The following CCDC6 variants were observed in gnomAD, a reference collection of about 807,000 sequenced individuals.
The protein encoded by CCDC6 is coiled-coil domain-containing protein 6.
A neutral mutation model predicts 56.6 loss-of-function variants in CCDC6; 20 were observed. That is an observed-to-expected ratio of 0.35 (90% confidence interval 0.25 to 0.51). The LOEUF is 0.51. Among genes scored for constraint, CCDC6 ranks in the 20% least tolerant of loss-of-function variants. The pLI, the probability that CCDC6 is intolerant of heterozygous loss-of-function variation, is 0.95. For synonymous variants in CCDC6, 241 were observed against 234.4 expected (o/e 1.03, Z -0.26); for missense variants, 367 against 601.1 (o/e 0.61, Z 4.07).
chr10:59,816,540 A>G (rs935841693), intron 3 of CCDC6, among the ~76,000 whole-genome samples: 3 of 152,208 alleles, frequency 2.0e-5, no homozygotes, highest in Non-Finnish European at 4.4e-5. Flanking sequence ...TAGTTAGAAA[A>G]TGTTGAGAAA....
At chr10:59,883,024 A>G (rs184151985) in intron 1 of CCDC6, among the ~76,000 whole-genome samples, 2,545 of 140,020 alleles carry the variant, frequency 0.018, 30 homozygotes, top group Middle Eastern at 0.045. Flanking sequence ...ATCGACTTTA[A>G]CTGAAAAAAA....
At chr10:59,862,768 T>C (rs143744132) in intron 1 of CCDC6, among the ~76,000 whole-genome samples, 1 of 152,070 alleles carries the variant, frequency 6.6e-6, no homozygotes, top group Non-Finnish European at 1.5e-5. Context: ...TGTTGACAAG[T>C]ATCAAGATCA....
At chr10:59,803,690 T>G (rs902412974) in intron 7 of CCDC6, among the ~76,000 whole-genome samples, 2 of 152,232 alleles carry the variant, frequency 1.3e-5, no homozygotes, top group African/African-American at 4.8e-5. Flanking sequence ...CATGCTGGTA[T>G]TGAGCCACAG....
intron 7 of CCDC6, among the ~76,000 whole-genome samples, chr10:59,796,194 C>T (rs2070516694): frequency 1.3e-5 from 2 of 152,196 alleles, no homozygotes; most frequent in African/African-American, 2.4e-5. Context: ...TGGTATCTCA[C>T]TGTGGTTTTG....
intron 1 of CCDC6, among the ~76,000 whole-genome samples, chr10:59,874,574 A>C (rs1212114365): frequency 6.6e-6 from 1 of 152,230 alleles, no homozygotes. Context: ...TTGAATCCCC[A>C]GAACCTATGA....
intron 3 of CCDC6, among the ~76,000 whole-genome samples, chr10:59,818,507 A>C (rs1431230764): frequency 1.9e-5 from 2 of 106,688 alleles, no homozygotes; most frequent in Admixed American, 9.9e-5. Context: ...GGGGGGGGGG[A>C]AGCAGATTCT....
intron 4 of CCDC6, 100 bp from the exon 5 acceptor site, chr10:59,812,895 T>C: frequency 1.3e-6 from 1 of 780,102 alleles, no homozygotes; most frequent in South Asian, 1.9e-5. Flanking sequence ...CAAACTCCTG[T>C]TTACTGCCAG....
At chr10:59,799,719 G>A (rs965284239) in intron 7 of CCDC6, among the ~76,000 whole-genome samples, 1 of 152,170 alleles carries the variant, frequency 6.6e-6, no homozygotes, top group Middle Eastern at 3.2e-3. Flanking sequence ...GTGCCAATCA[G>A]CACCTCACTC....
At chr10:59,888,974 A>C (rs2071402376) in intron 1 of CCDC6, among the ~76,000 whole-genome samples, 1 of 152,056 alleles carries the variant, frequency 6.6e-6, no homozygotes, top group Non-Finnish European at 1.5e-5. Flanking sequence ...CCTCTAAGTC[A>C]CTAACATGGG....
chr10:59,801,794 C>CT, intron 7 of CCDC6, among the ~76,000 whole-genome samples: 1 of 152,152 alleles, frequency 6.6e-6, no homozygotes, highest in African/African-American at 2.4e-5. Flanking sequence ...GTAATTAATA[C>CT]TGCTCAAATT....
chr10:59,823,065 C>G (rs186923800), intron 3 of CCDC6, among the ~76,000 whole-genome samples: 1 of 152,140 alleles, frequency 6.6e-6, no homozygotes, highest in African/African-American at 2.4e-5. Flanking sequence ...TTTCAGCTCC[C>G]CTTCCAGCTA....
chr10:59,829,479 T>C (rs920782629), intron 3 of CCDC6, among the ~76,000 whole-genome samples: 2 of 152,218 alleles, frequency 1.3e-5, no homozygotes, highest in South Asian at 2.1e-4. Context: ...TGAATGTTCA[T>C]AGCAGCATTC....
chr10:59,795,425 C>T (rs2070505905), intron 7 of CCDC6, among the ~76,000 whole-genome samples: 2 of 151,902 alleles, frequency 1.3e-5, no homozygotes, highest in African/African-American at 4.8e-5. Flanking sequence ...GAGATATCAC[C>T]TCATAACTGT....
intron 2 of CCDC6, among the ~76,000 whole-genome samples, chr10:59,841,703 T>C (rs2132649670): frequency 6.6e-6 from 1 of 151,986 alleles, no homozygotes; most frequent in East Asian, 1.9e-4. Flanking sequence ...GGAGTCACTC[T>C]GTCGCCCAGG....
At chr10:59,840,879 T>C (rs1282034830) in intron 2 of CCDC6, among the ~76,000 whole-genome samples, 1 of 152,192 alleles carries the variant, frequency 6.6e-6, no homozygotes, top group Non-Finnish European at 1.5e-5. Flanking sequence ...AATAATCCAC[T>C]CCATCTCTTG....
At chr10:59,896,673 G>A (rs981998656) in intron 1 of CCDC6, among the ~76,000 whole-genome samples, 3 of 150,238 alleles carry the variant, frequency 2.0e-5, no homozygotes, top group African/African-American at 4.9e-5. Context: ...TACCAGGGAG[G>A]AAAAAAAAAT....
At chr10:59,800,168 C>T (rs561121262) in intron 7 of CCDC6, among the ~76,000 whole-genome samples, 5 of 152,242 alleles carry the variant, frequency 3.3e-5, no homozygotes, top group Non-Finnish European at 7.3e-5. Context: ...TTACACCCTA[C>T]ATAACAATAA....
chr10:59,811,473 A>T (rs1306985540), intron 5 of CCDC6, among the ~76,000 whole-genome samples: 1 of 152,236 alleles, frequency 6.6e-6, no homozygotes, highest in Non-Finnish European at 1.5e-5. Flanking sequence ...CTGGTATGGG[A>T]CTAGTTGAAT....
chr10:59,898,273 A>T (rs898166840), intron 1 of CCDC6, among the ~76,000 whole-genome samples: 1 of 152,208 alleles, frequency 6.6e-6, no homozygotes, highest in Non-Finnish European at 1.5e-5. Context: ...CTTTTCAATC[A>T]TCATCACATA....
Sources: gnomAD v4.1 joint callset for allele counts (sites outside exome capture counted in the v4.1 genomes callset) on GRCh38, gnomAD v4.1.1 for gene constraint, MANE v1.5 for transcripts, NCBI Gene and HGNC (gene_info 2026-07-23, HGNC 2026-07-21) for gene names.